Variants in ZNF208 observed in about 807,000 individuals in gnomAD.
ZNF208 encodes zinc finger protein 208, also known as zinc finger protein 95.
In ZNF208, 10 loss-of-function variants were observed where a neutral mutation model predicts 12.1. The ratio of observed to expected loss-of-function variants is 0.83; its 90% CI spans 0.51 to 1.40. The LOEUF is 1.40. Ranked by LOEUF, ZNF208 falls within the 40% of genes most tolerant of loss-of-function variation. ZNF208 has a pLI of 0.00. For synonymous variants in ZNF208, 497 were observed against 488.4 expected, an observed-to-expected ratio of 1.02 and a Z score of -0.23; for missense variants, 1,652 against 1,485.0, an observed-to-expected ratio of 1.11 and a Z score of -1.85.
At chr19:21,989,935 T>A (rs560025305) in intron 1 of ZNF208, among the ~76,000 whole-genome samples, 1 of 151,488 alleles carries the variant, frequency 6.6e-6, no homozygotes, top group African/African-American at 2.5e-5. Flanking sequence ...GGGTTGTTTG[T>A]TTTTTTCTTG....
chr19:21,961,394 G>A (rs568863632), downstream of ZNF208, among the ~76,000 whole-genome samples: 5 of 152,238 alleles, frequency 3.3e-5, no homozygotes, highest in African/African-American at 9.6e-5. Flanking sequence ...GAGGAAATAG[G>A]GCAAGGACTA....
At chr19:22,008,032 C>T (rs948769401) in intron 1 of ZNF208, among the ~76,000 whole-genome samples, 6 of 138,872 alleles carry the variant, frequency 4.3e-5, no homozygotes, top group Non-Finnish European at 7.6e-5. Flanking sequence ...GGGCCGGGCG[C>T]GGTGGCTCAC....
intron 3 of ZNF208, among the ~76,000 whole-genome samples, chr19:21,976,028 C>T (rs1970425532): frequency 6.6e-6 from 1 of 151,868 alleles, no homozygotes. Context: ...GAAAACAACA[C>T]CTAATCATAT....
At chr19:21,951,854 C>T (rs1446947571) in intron 4 of ZNF208, among the ~76,000 whole-genome samples, 2 of 152,170 alleles carry the variant, frequency 1.3e-5, no homozygotes, top group Non-Finnish European at 2.9e-5. Context: ...TGTCACCTCA[C>T]CTGGGAGGCA....
At chr19:21,990,492 G>A (rs1970712985) in intron 1 of ZNF208, among the ~76,000 whole-genome samples, 1 of 151,774 alleles carries the variant, frequency 6.6e-6, no homozygotes, top group Non-Finnish European at 1.5e-5. Flanking sequence ...TTTGGTTACT[G>A]TAGCCTTGTA....
At chr19:21,955,180 AG>A (rs1020691616) in intron 4 of ZNF208, among the ~76,000 whole-genome samples, 1 of 151,950 alleles carries the variant, frequency 6.6e-6, no homozygotes, top group African/African-American at 2.4e-5. Context: ...TCTGGCTTGT[AG>A]TTTCTGCTGA....
chr19:21,951,998 C>T (rs2262908), intron 4 of ZNF208, among the ~76,000 whole-genome samples: 88,451 of 151,934 alleles, frequency 0.58, 25,993 homozygotes, highest in East Asian at 0.69. Flanking sequence ...AAGATTCTCT[C>T]CCGTACCTGG....
rs1970354880 is a variant in ZNF208, at chr19:21,973,556, C to A, written c.1478G>T (p.Gly493Val). The A allele has an allele frequency of 6.2e-7, 1 of 1,612,802 alleles. No homozygotes were observed. Among genetic ancestry groups the A allele is most frequent in the African/African-American group, 1.3e-5 (1 of 74,618 alleles). The part of the protein sequence containing the change: ...CEECDKATHA[G>V]EKPYKCEECG... ...TTCTTCACATTTGTAGGGTTTCTCT[C>A]CAGCATGAGTTGCCTTATCACATTC... Residue 493 changes from glycine (G) to valine (V), a missense_variant, in exon 4 of 4, where the codon GGA (glycine) becomes GTA (valine). Gly to Val is a moderately radical substitution (Grantham distance 109). Coordinates refer to ENST00000397126, the MANE Select transcript of ZNF208 (RefSeq NM_007153.3).
chr19:21,981,296 T>C (rs540342180), intron 3 of ZNF208, among the ~76,000 whole-genome samples: 1 of 152,102 alleles, frequency 6.6e-6, no homozygotes, highest in Non-Finnish European at 1.5e-5. Flanking sequence ...TTAACATGGA[T>C]GCAAAAATCC....
At chr19:21,990,568 T>C (rs9636187) in intron 1 of ZNF208, among the ~76,000 whole-genome samples, 118,271 of 151,658 alleles carry the variant, frequency 0.78, 46,843 homozygotes, top group African/African-American at 0.92. Flanking sequence ...ATTGACTTGG[T>C]GATGCAGGCT....
Position 21,971,223 on chromosome 19 carries a change from G to A in ZNF208, c.3811C>T (p.His1271Tyr), listed in dbSNP as rs1460407417. 3 of 1,611,802 alleles carry A rather than the reference G, an allele frequency of 1.9e-6. No individual in the cohort carries two copies. Among genetic ancestry groups the A allele is most frequent in the East Asian group, 2.2e-5 (1 of 44,758 alleles). The stretch of plus-strand genomic sequence containing the variant: ...TTCTCTCCAGTATGAATTTTCTTAT[G>A]TTTACTGAAGACTGATAACCAGCTG... The part of the protein sequence containing the change: ...AFSWLSVFSK[H>Y]KKIHTGEKL Residue 1271 changes from histidine (H) to tyrosine (Y), a missense_variant, in exon 4 of 4, where the codon CAT becomes TAT. This residue lies in a region of ZNF208 where 1,239 missense variants were observed against 1,086.2 expected (regional missense o/e 1.14). Coordinates refer to ENST00000397126, the MANE Select transcript of ZNF208 (RefSeq NM_007153.3).
chr19:21,950,163 G>A (rs1482456018), intron 4 of ZNF208, among the ~76,000 whole-genome samples: 1 of 152,120 alleles, frequency 6.6e-6, no homozygotes, highest in African/African-American at 2.4e-5. Flanking sequence ...GAATATCCAA[G>A]CTATAAGTAT....
intron 4 of ZNF208, among the ~76,000 whole-genome samples, chr19:21,956,866 A>G (rs1969986593): frequency 6.6e-6 from 1 of 152,044 alleles, no homozygotes; most frequent in Admixed American, 6.6e-5. Flanking sequence ...AGTGAGATGA[A>G]CCCAGTACCT....
At chr19:21,961,801 A>G (rs566709749), downstream of ZNF208, among the ~76,000 whole-genome samples, 1 of 152,250 alleles carries the variant, frequency 6.6e-6, no homozygotes, top group South Asian at 2.1e-4. Flanking sequence ...ATATGGCTCT[A>G]TTCTGCCCTA....
At chr19:21,986,000 G>A (rs10416159) in intron 3 of ZNF208, among the ~76,000 whole-genome samples, 88,831 of 151,986 alleles carry the variant, frequency 0.58, 26,226 homozygotes, top group East Asian at 0.69. Flanking sequence ...GCCCCTTATA[G>A]TAAGCCAACT....
At chr19:21,981,935 C>G (rs1250444463) in intron 3 of ZNF208, among the ~76,000 whole-genome samples, 1 of 152,130 alleles carries the variant, frequency 6.6e-6, no homozygotes, top group Non-Finnish European at 1.5e-5. Context: ...CATGAGTGAA[C>G]TCCCATTCAC....
chr19:21,973,412 G>T lies in ZNF208; in HGVS notation c.1622C>A (p.Thr541Asn). 6.2e-7 allele frequency: 1 copy of T among 1,611,004 alleles called. No individual in the cohort carries two copies. Among genetic ancestry groups the T allele is most frequent in the Non-Finnish European group, 8.5e-7 (1 of 1,179,608 alleles). Reference sequence around the variant, plus strand: ...TCCAGTATGAATTACCTTATGTTTAGTAAGGATTGAGAATGTACTGAAGCT... The same window carrying T: ...TCCAGTATGAATTACCTTATGTTTATTAAGGATTGAGAATGTACTGAAGCT... ...GKSFSTFSIL[T>N]KHKVIHTGEK... is the part of the protein sequence containing the mutation. The change falls in exon 4 of 4, where the codon ACT becomes AAT. Residue 541 changes from threonine to asparagine, a missense_variant. Transcript: ENST00000397126.
chr19:21,976,419 A>T (rs1270948492), intron 3 of ZNF208, among the ~76,000 whole-genome samples: 1 of 152,196 alleles, frequency 6.6e-6, no homozygotes, highest in Non-Finnish European at 1.5e-5. Flanking sequence ...AGACAGAAAC[A>T]AAGGAAGACA....
intron 4 of ZNF208, chr19:21,940,204 T>C (rs185233006): frequency 8.4e-4 from 128 of 152,296 alleles, no homozygotes; most frequent in African/African-American, 3.0e-3. Flanking sequence ...TAGCAAGAAG[T>C]ATGGCACAAC....
Sources: allele counts gnomAD v4.1 joint callset (sites outside exome capture counted in the v4.1 genomes callset), GRCh38; gene constraint gnomAD v4.1.1; regional missense constraint gnomAD v4.1.1; transcripts MANE v1.5; gene names NCBI Gene and HGNC (gene_info 2026-07-23, HGNC 2026-07-21).